Variants in MPI observed in about 807,000 individuals in gnomAD.
MPI encodes the protein mannose-6-phosphate isomerase.
A neutral mutation model predicts 40.1 loss-of-function variants in MPI; 33 were observed. The observed-to-expected ratio is 0.82, with a 90% CI of 0.62 to 1.10. The LOEUF is 1.10. MPI is among the 50% of genes least tolerant of loss of function. The pLI is 0.00. For synonymous variants in MPI, 187 were observed against 207.4 expected (o/e 0.90, Z 0.85); for missense variants, 514 against 524.1 (o/e 0.98, Z 0.19).
chr15:74,891,470 A>G lies in MPI; in HGVS notation c.236A>G (p.Gln79Arg). 1 of 1,614,224 alleles carries G rather than the reference A, an allele frequency of 6.2e-7. No homozygotes were observed. Among genetic ancestry groups the G allele is most frequent in the Non-Finnish European group, 8.5e-7 (1 of 1,180,032 alleles). Reference sequence around the variant, plus strand: ...CTAAGCCAGTGGATTGCTGAGAACCAGGACAGCTTGGGCTCAAAGGTCAAG... The same window carrying G: ...CTAAGCCAGTGGATTGCTGAGAACCGGGACAGCTTGGGCTCAAAGGTCAAG... ...KTLSQWIAEN[Q>R]DSLGSKVKDT... Residue 79 changes from glutamine to arginine, a missense_variant, in exon 3 of 8, where the codon CAG (glutamine) becomes CGG (arginine). Gln to Arg is a conservative substitution (Grantham distance 43). Coordinates refer to ENST00000352410, the MANE Select transcript of MPI (RefSeq NM_002435.3).
At position 74,899,888 on chromosome 15, in the gene MPI, GT is replaced by G. The variant is rs2064882646; in HGVS notation, c.*2159del. The G allele has an allele frequency of 6.6e-6, 1 of 152,244 alleles. No individual in the cohort carries two copies. The highest frequency in any genetic ancestry group is 1.5e-5 in the Non-Finnish European group (1 of 68,058). The allele number at this position is 152,244 out of a possible 1,614,324, so 9.4% of individuals were successfully genotyped here. On this transcript the variant is annotated 3_prime_UTR_variant, in exon 8 of 8. Coordinates refer to ENST00000352410, the MANE Select transcript of MPI (RefSeq NM_002435.3). ...AGGTTGGTCTCAAACTCCTGACCTT[GT>G]GATTTGCTTGCCTCAGCCTCTGAAA...
chr15:74,896,553 T>G, intron 6 of MPI: 8 of 677,244 alleles, frequency 1.2e-5, no homozygotes, highest in Non-Finnish European at 2.1e-5. Flanking sequence ...CATGCTACTC[T>G]GATTTTAAGT....
Position 74,897,181 on chromosome 15 carries a change from G to A in MPI, c.1015G>A (p.Asp339Asn). 6.2e-7 allele frequency: 1 copy of A among 1,614,146 alleles called. No homozygotes were observed. Among genetic ancestry groups the A allele is most frequent in the Non-Finnish European group, 8.5e-7 (1 of 1,180,020 alleles). The change falls in exon 7 of 8, where the codon GAC becomes AAC. Residue 339 changes from aspartate to asparagine, a missense_variant. By Grantham distance (23) the Asp-to-Asn change is conservative (BLOSUM62 1). Transcript: ENST00000352410. ...SQEDPYLSIY[D>N]PPVPDFTIMK... ...GGAAGACCCCTACCTCTCAATCTAT[G>A]ACCCCCCTGTACCAGACTTCACCAT...
In MPI at chr15:74,890,051, T is replaced by G; in HGVS notation, c.-23T>G. ...GGCTGCCGGGAAAGGCATACGTGCT[T>G]AATCCTGGTGCAGGGGGCGAGCATG... On this transcript the variant is annotated 5_prime_UTR_variant, in exon 1 of 8. Transcript: ENST00000352410. 1 of 1,605,532 alleles carries G rather than the reference T, an allele frequency of 6.2e-7. No homozygotes were observed. Among genetic ancestry groups the G allele is most frequent in the Non-Finnish European group, 8.5e-7 (1 of 1,179,848 alleles).
rs531280038 is a variant in MPI at position 74,895,825 on chromosome 15, A to G, written c.671-327A>G. 4 of 369,128 alleles carry G rather than the reference A, an allele frequency of 1.1e-5. No individual in the cohort carries two copies. In the East Asian group the frequency reaches 2.5e-4, roughly 23 times the overall value. 22.9% of individuals were successfully genotyped at this position (369,128 alleles called of 1,614,324 possible). A position where few individuals can be genotyped will look rare whatever the true frequency, so the allele number is the denominator to read the frequency against. ...ATCAGTACACAGGACAGCCCCCACA[A>G]TAAAGAATTACCTAGCCCAAATGTC... On this transcript the variant is annotated intron_variant, in intron 5 of 7. Transcript: ENST00000352410.
intron 5 of MPI, among the ~76,000 whole-genome samples, chr15:74,894,670 C>T (rs2064790638): frequency 6.6e-6 from 1 of 150,396 alleles, no homozygotes; most frequent in South Asian, 2.1e-4. Flanking sequence ...GCCTGTAATC[C>T]CAGCTACTCA....
At chr15:74,890,346 C>A in intron 1 of MPI, 181 bp from the exon 2 acceptor site, 2 of 885,572 alleles carry the variant, frequency 2.3e-6, no homozygotes, top group Non-Finnish European at 3.5e-6. Flanking sequence ...GTCCTTACTG[C>A]TGCCCATCTG....
rs1567267199 is a variant in MPI at position 74,894,090 on chromosome 15, GTGTGTGTGTGTGTGTGT to G, written c.670+771_670+787del. On this transcript the variant is annotated intron_variant, in intron 5 of 7. Transcript: ENST00000352410. Reference sequence around the variant, plus strand: ...TGTGTGTGTGTGTGTGTGTGTGTGTGTGTGTGTGTGTGTGTGTGGTCTCTTTCTGTTGCCCCAGGCTG... The same window carrying G: ...TGTGTGTGTGTGTGTGTGTGTGTGTGGGTCTCTTTCTGTTGCCCCAGGCTG... Among the ~76,000 whole-genome samples the G allele has an allele frequency of 5.6e-4, 29 of 52,008 alleles. 2 individuals carry two copies. The highest frequency in any genetic ancestry group is 5.2e-4 in the South Asian group (1 of 1,930). 34.1% of individuals were successfully genotyped at this position (52,008 alleles called of 152,430 possible). A position where few individuals can be genotyped will look rare whatever the true frequency, so the allele number is the denominator to read the frequency against.
chr15:74,892,995 T>G, intron 4 of MPI, 143 bp from the exon 5 acceptor site: 1 of 1,323,422 alleles, frequency 7.6e-7, no homozygotes, highest in Non-Finnish European at 1.1e-6. Context: ...TGGTGGTGAG[T>G]GATTGGTTTC....
In MPI at chr15:74,899,340, A is replaced by G. The variant is rs1244759768; in HGVS notation, c.*1610A>G. 1 of 152,312 alleles carries G rather than the reference A, an allele frequency of 6.6e-6. No individual in the cohort carries two copies. Among genetic ancestry groups the G allele is most frequent in the South Asian group, 2.1e-4 (1 of 4,830 alleles). The allele number at this position is 152,312 out of a possible 1,614,324, so 9.4% of individuals were successfully genotyped here. ...GGCTTCTGCCCACACTAGAGTCCCTATACAATGGAGTTCCAGGAAACCACC... is the reference window on the plus strand; with the variant it reads ...GGCTTCTGCCCACACTAGAGTCCCTGTACAATGGAGTTCCAGGAAACCACC... On this transcript the variant is annotated 3_prime_UTR_variant, in exon 8 of 8. Transcript: ENST00000352410.
chr15:74,891,302 C>A, intron 2 of MPI, 77 bp from the exon 3 acceptor site: 1 of 1,362,244 alleles, frequency 7.3e-7, no homozygotes, highest in Non-Finnish European at 1.0e-6. Context: ...GGGAGCACAG[C>A]ATAACGGATT....
intron 4 of MPI, 72 bp from the exon 5 acceptor site, chr15:74,893,066 C>G: frequency 6.3e-7 from 1 of 1,589,776 alleles, no homozygotes; most frequent in Non-Finnish European, 8.6e-7. Context: ...GAAAGGTGTC[C>G]TCCAACTCCC....
At chr15:74,895,174 A>G (rs1481944455) in intron 5 of MPI, among the ~76,000 whole-genome samples, 3 of 135,492 alleles carry the variant, frequency 2.2e-5, no homozygotes, top group East Asian at 4.4e-4. Flanking sequence ...ATGGGGTTTC[A>G]CCATGTTGGT....
chr15:74,897,078 T>C lies in MPI; in HGVS notation c.912T>C (p.Asp304=). 6.2e-7 allele frequency: 1 copy of C among 1,614,174 alleles called. No homozygotes were observed. The highest frequency in any genetic ancestry group is 1.1e-5 in the South Asian group (1 of 91,084). ...CTGGCCTGACACCCAAGTTCATTGATGTGCCAACCCTGTGTGAAATGCTCA... is the reference window on the plus strand; with the variant it reads ...CTGGCCTGACACCCAAGTTCATTGACGTGCCAACCCTGTGTGAAATGCTCA... The part of the protein sequence containing the change: ...VRAGLTPKFI[D]VPTLCEMLSY... Residue 304 remains aspartate, a synonymous_variant, in exon 7 of 8, where the codon GAT becomes GAC. Coordinates refer to ENST00000352410, the MANE Select transcript of MPI (RefSeq NM_002435.3).
intron 6 of MPI, chr15:74,896,712 G>A (rs2064823466): frequency 8.2e-6 from 5 of 608,004 alleles, no homozygotes; most frequent in Non-Finnish European, 8.8e-6. Context: ...GCCACCTTTC[G>A]ACTGTTGGCT....
rs1411389635 is a variant in MPI at position 74,899,125 on chromosome 15, G to A, written c.*1395G>A. The A allele has an allele frequency of 6.6e-6, 1 of 152,232 alleles. No homozygotes were observed. Among genetic ancestry groups the A allele is most frequent in the African/African-American group, 2.4e-5 (1 of 41,452 alleles). The allele number at this position is 152,232 out of a possible 1,614,324, so 9.4% of individuals were successfully genotyped here. The stretch of plus-strand genomic sequence containing the variant: ...GTTAGCTTTCCTAAACGGGCAGGAA[G>A]TGTGAAGGAGGGAATCTCCTGATGC... On this transcript the variant is annotated 3_prime_UTR_variant, in exon 8 of 8. Coordinates refer to ENST00000352410, the MANE Select transcript of MPI (RefSeq NM_002435.3).
At chr15:74,897,332 G>C in intron 7 of MPI, 113 bp downstream of exon 7, 1 of 1,393,798 alleles carries the variant, frequency 7.2e-7, no homozygotes, top group Non-Finnish European at 1.0e-6. Context: ...CTTGGCGGAG[G>C]GTGGCCCCAG....
Position 74,901,762 on chromosome 15 carries a change from C to A in MPI, c.*4032C>A. 4.5e-6 allele frequency: 1 copy of A among 224,572 alleles called. No homozygotes were observed. The highest frequency in any genetic ancestry group is 8.9e-5 in the East Asian group (1 of 11,254). 13.9% of individuals were successfully genotyped at this position (224,572 alleles called of 1,614,324 possible). On this transcript the variant is annotated 3_prime_UTR_variant, in exon 8 of 8. Coordinates refer to ENST00000352410, the MANE Select transcript of MPI (RefSeq NM_002435.3). ...AGGCACCGGACTGCTCCCTGTAGCT[C>A]CCTCTGCTGGTAATAATAAAAACTG...
At chr15:74,893,006 C>T in intron 4 of MPI, 132 bp from the exon 5 acceptor site, 1 of 1,359,528 alleles carries the variant, frequency 7.4e-7, no homozygotes, top group Non-Finnish European at 1.0e-6. Context: ...GATTGGTTTC[C>T]ACTGCAAAGT....
Sources: gnomAD v4.1 joint callset for allele counts (sites outside exome capture counted in the v4.1 genomes callset) on GRCh38, gnomAD v4.1.1 for gene constraint, MANE v1.5 for transcripts, NCBI Gene and HGNC (gene_info 2026-07-23, HGNC 2026-07-21) for gene names.